The following CFAP20DC variants were observed in gnomAD, a reference collection of about 807,000 sequenced individuals.
The protein encoded by CFAP20DC is protein CFAP20DC.
In CFAP20DC, 84 loss-of-function variants were observed where a neutral mutation model predicts 101.7. The observed-to-expected ratio is 0.83, with a 90% CI of 0.69 to 0.99. The LOEUF (loss-of-function observed/expected upper bound fraction) is 0.99, where lower values mean the gene tolerates loss of function less well. Among genes scored for constraint, CFAP20DC ranks in the 50% least tolerant of loss-of-function variants. The pLI, the probability that CFAP20DC is intolerant of heterozygous loss-of-function variation, is 0.00. For missense variants in CFAP20DC, 1,007 were observed against 970.3 expected (o/e 1.04, Z -0.50); for synonymous variants, 359 against 351.2 (o/e 1.02, Z -0.25).
intron 12 of CFAP20DC, among the ~76,000 whole-genome samples, chr3:58,853,351 C>A (rs2108354155): frequency 6.6e-6 from 1 of 152,196 alleles, no homozygotes; most frequent in Admixed American, 6.5e-5. Flanking sequence ...AATAGCTTAC[C>A]AACCAAAAAG....
chr3:58,815,936 G>A (rs1575735271), intron 14 of CFAP20DC, among the ~76,000 whole-genome samples: 1 of 151,556 alleles, frequency 6.6e-6, no homozygotes. Context: ...TTCAACCATT[G>A]TGGAAGTCAG....
At chr3:58,982,562 T>C (rs1435906560) in intron 4 of CFAP20DC, among the ~76,000 whole-genome samples, 7 of 151,552 alleles carry the variant, frequency 4.6e-5, no homozygotes, top group Admixed American at 4.6e-4. Context: ...TGTAGGGACA[T>C]GGATGAAACT....
Position 58,866,686 on chromosome 3 carries a change from T to C in CFAP20DC, c.1138A>G (p.Ser380Gly), listed in dbSNP as rs766685804. ...TCAATCCTATTATTTCCTGAAGAGCTACCTTTATTGAGATAAATATTTTCC... is the reference window on the plus strand; with the variant it reads ...TCAATCCTATTATTTCCTGAAGAGCCACCTTTATTGAGATAAATATTTTCC... ...SRERTETPSG[S>G]SSGNNRIEDK... Residue 380 changes from serine (S) to glycine (G), a missense_variant and splice_region_variant, in exon 11 of 17, where the codon AGC becomes GGC. Coordinates refer to ENST00000482387, the MANE Select transcript of CFAP20DC (RefSeq NM_001394063.1). 4.5e-6 allele frequency: 7 copies of C among 1,553,790 alleles called. No individual in the cohort carries two copies. In the African/African-American group the frequency reaches 5.4e-5, roughly 12 times the overall value.
chr3:58,904,131 AT>A (rs1227399813), intron 6 of CFAP20DC, among the ~76,000 whole-genome samples: 3 of 152,032 alleles, frequency 2.0e-5, no homozygotes, highest in African/African-American at 7.2e-5. Context: ...CTTTCCATTT[AT>A]TTAGGTCTTC....
intron 15 of CFAP20DC, among the ~76,000 whole-genome samples, chr3:58,804,099 G>T (rs2073891847): frequency 6.6e-6 from 1 of 152,160 alleles, no homozygotes; most frequent in African/African-American, 2.4e-5. Context: ...TGAAGTAAAG[G>T]CTATAATGAG....
chr3:58,807,423 C>G (rs1393110657), intron 14 of CFAP20DC, among the ~76,000 whole-genome samples: 2 of 152,332 alleles, frequency 1.3e-5, no homozygotes, highest in East Asian at 3.9e-4. Flanking sequence ...ATCCGCTGTT[C>G]TGCAGCCACC....
intron 14 of CFAP20DC, among the ~76,000 whole-genome samples, chr3:58,830,048 A>G (rs2076291957): frequency 6.6e-6 from 1 of 152,236 alleles, no homozygotes; most frequent in Admixed American, 6.5e-5. Context: ...TACTCTAACC[A>G]GAGTAACCAG....
At position 58,806,437 on chromosome 3, in the gene CFAP20DC, T is replaced by C; in HGVS notation, c.2195A>G (p.His732Arg). ...CLPPPVNQGR[H>R]YQKEMNPPSP... is the part of the protein sequence containing the mutation. ...AGGTGGGTTCATTTCTTTCTGATAG[T>C]GGCGACCCTGGTTGACAGGCTGGAA... Residue 732 changes from histidine to arginine, a missense_variant, in exon 15 of 17, where the codon CAC (histidine) becomes CGC (arginine). By Grantham distance (29) the His-to-Arg change is conservative. Transcript: ENST00000482387. 1.9e-6 allele frequency: 3 copies of C among 1,612,442 alleles called. No homozygotes were observed. The highest frequency in any genetic ancestry group is 2.5e-6 in the Non-Finnish European group (3 of 1,178,458).
chr3:58,799,737 G>GTGTGTGTGTGTGTGTGTC lies in CFAP20DC; in HGVS notation c.2237+6657_2237+6658insGACACACACACACACACA, dbSNP rs2107684748. ...TGTGTGTGTCTGTGTGTGTGTCTGT[G>GTGTGTGTGTGTGTGTGTC]TGTGTGTGTGTGTGTGTGTGTGTGT... On this transcript the variant is annotated intron_variant, in intron 15 of 16. Coordinates refer to ENST00000482387, the MANE Select transcript of CFAP20DC (RefSeq NM_001394063.1). This position sits in a 1 kb window ranked among gnomAD's most constrained non-coding sequence, Gnocchi z 4.9. 9.8e-6 allele frequency among the ~76,000 whole-genome samples: 1 copy of GTGTGTGTGTGTGTGTGTC among 102,022 alleles called. No individual in the cohort carries two copies. The allele number at this position is 102,022 out of a possible 152,430, so 66.9% of individuals were successfully genotyped here.
At chr3:58,733,932 A>T (rs911778971) in intron 3 of CFAP20DC, among the ~76,000 whole-genome samples, 2 of 152,222 alleles carry the variant, frequency 1.3e-5, no homozygotes, top group Non-Finnish European at 2.9e-5. Context: ...TCTAACTTTA[A>T]TATATTAAAG....
chr3:58,872,986 G>GAT (rs2108549758), intron 7 of CFAP20DC, among the ~76,000 whole-genome samples: 1 of 150,326 alleles, frequency 6.7e-6, no homozygotes, highest in East Asian at 2.0e-4. Flanking sequence ...CTGTCAGGCA[G>GAT]GTCCTCAAGC....
chr3:58,832,048 C>T lies in CFAP20DC; in HGVS notation c.1972-159G>A, dbSNP rs150195793. On this transcript the variant is annotated intron_variant, in intron 13 of 16. Coordinates refer to ENST00000482387, the MANE Select transcript of CFAP20DC (RefSeq NM_001394063.1). ...GCTACCTGCCCCATCCATTATACCA[C>T]CTCCTGTCCATTTGCTCCTCACATG... 5.0e-4 allele frequency among the ~76,000 whole-genome samples: 76 copies of T among 152,284 alleles called. 1 individual carries two copies. In the East Asian group the frequency reaches 0.014, roughly 28 times the overall value.
chr3:58,774,497 A>G (rs960181643), intron 15 of CFAP20DC, among the ~76,000 whole-genome samples: 1 of 152,212 alleles, frequency 6.6e-6, no homozygotes, highest in African/African-American at 2.4e-5. Context: ...TAACTTCAGA[A>G]TGCTTCCATA....
intron 4 of CFAP20DC, among the ~76,000 whole-genome samples, chr3:58,995,526 T>C (rs2093090228): frequency 1.3e-5 from 2 of 149,580 alleles, no homozygotes; most frequent in South Asian, 4.3e-4. Flanking sequence ...TTCATCCTTA[T>C]ATAAGGCTGC....
At position 58,983,977 on chromosome 3, in the gene CFAP20DC, A is replaced by G. The variant is rs2092671678; in HGVS notation, c.279-46215T>C. Among the ~76,000 whole-genome samples, 3 of 152,210 alleles carry G rather than the reference A, an allele frequency of 2.0e-5. No homozygotes were observed. In the South Asian group the frequency reaches 6.2e-4, roughly 32 times the overall value. ...ACCCTTGACCCAGAAATTCTAATGC[A>G]TATGTGTAAGGCATGATTTCAGGAG... On this transcript the variant is annotated intron_variant, in intron 4 of 16. Coordinates refer to ENST00000482387, the MANE Select transcript of CFAP20DC (RefSeq NM_001394063.1).
chr3:58,780,655 C>G (rs1559580305), intron 15 of CFAP20DC, among the ~76,000 whole-genome samples: 1 of 151,860 alleles, frequency 6.6e-6, no homozygotes. Flanking sequence ...TTATATCACA[C>G]AGAACAGATT....
chr3:58,801,914 A>C (rs949766594), intron 15 of CFAP20DC, among the ~76,000 whole-genome samples: 1 of 152,226 alleles, frequency 6.6e-6, no homozygotes, highest in Non-Finnish European at 1.5e-5. Context: ...ACACTTTAGA[A>C]AATCATGCCA....
At chr3:58,955,389 A>C (rs1297968649) in intron 4 of CFAP20DC, among the ~76,000 whole-genome samples, 1 of 152,142 alleles carries the variant, frequency 6.6e-6, no homozygotes, top group African/African-American at 2.4e-5. Flanking sequence ...TGCAGACAGT[A>C]TTTCTGTGTG....
intron 4 of CFAP20DC, 49 bp from the exon 5 acceptor site, chr3:58,937,811 A>G (rs2087922063): frequency 2.0e-6 from 2 of 1,009,880 alleles, no homozygotes; most frequent in South Asian, 2.7e-5. Flanking sequence ...CAATTTAATA[A>G]CCACTTCTTT....
Sources: allele counts gnomAD v4.1 joint callset (sites outside exome capture counted in the v4.1 genomes callset), GRCh38; gene constraint gnomAD v4.1.1; non-coding constraint Gnocchi (gnomAD v3.1); transcripts MANE v1.5; gene names NCBI Gene and HGNC (gene_info 2026-07-23, HGNC 2026-07-21).